ABCD2: variants seen among roughly 807,000 people sequenced by gnomAD.
The protein encoded by ABCD2 is ATP-binding cassette sub-family D member 2.
ABCD2 carries 36 observed loss-of-function variants against 70.9 expected under a neutral mutation model. That is an observed-to-expected ratio of 0.51 (90% CI 0.39 to 0.67). The LOEUF (loss-of-function observed/expected upper bound fraction) is 0.67, where lower values mean the gene tolerates loss of function less well. Among genes scored for constraint, ABCD2 ranks in the 30% least tolerant of loss-of-function variants. The probability of loss-of-function intolerance (pLI) is 0.00; values close to 1 mark genes in which losing one functional copy is unlikely to be tolerated. For synonymous variants in ABCD2, 304 were observed against 306.9 expected (o/e 0.99, Z 0.10); for missense variants, 729 against 890.2 (o/e 0.82, Z 2.30).
chr12:39,586,266 G>T lies in ABCD2; in HGVS notation c.1678C>A (p.Gln560Lys). ...TCCACTGAATCAGGGTAAATGACTT[G>T]ATCCCGAAGACTTCCAAGAGACATA... ...PYMSLGSLRD[Q>K]VIYPDSVDDM... The change falls in exon 7 of 10, where the codon CAA becomes AAA. Residue 560 changes from glutamine to lysine, a missense_variant. Around this residue, in one of 3 missense-constraint regions of ABCD2, gnomAD observed 289 missense variants for 328.8 expected, o/e 0.88. Transcript: ENST00000308666. 1 of 1,612,934 alleles carries T rather than the reference G, an allele frequency of 6.2e-7. No individual in the cohort carries two copies.
At chr12:39,590,052 A>G (rs528863554) in intron 6 of ABCD2, among the ~76,000 whole-genome samples, 11 of 152,338 alleles carry the variant, frequency 7.2e-5, no homozygotes, top group African/African-American at 2.4e-4. Flanking sequence ...ATTTGAAAGC[A>G]CAAGGAAACG....
chr12:39,619,408 C>T lies in ABCD2; in HGVS notation c.208G>A (p.Glu70Lys), dbSNP rs1592003614. 1.2e-6 allele frequency: 2 copies of T among 1,614,058 alleles called. No homozygotes were observed. Among genetic ancestry groups the T allele is most frequent in the Admixed American group, 1.7e-5 (1 of 60,010 alleles). The change falls in exon 1 of 10, where the codon GAG becomes AAG. Residue 70 changes from glutamate to lysine, a missense_variant. Physicochemically the swap from Glu to Lys is moderately conservative, Grantham distance 56. Transcript: ENST00000308666. ...GGCGAAGGTTTTTCACAAATGGTCT[C>T]GGTGCAATGCAGTATTTCTGTGTTC... ...AENTEILHCT[E>K]TICEKPSPGV...
rs1941949370 is a variant in ABCD2, at chr12:39,604,895, G to A, written c.1272C>T (p.Tyr424=). 4 of 1,610,680 alleles carry A rather than the reference G, an allele frequency of 2.5e-6. No homozygotes were observed. Among genetic ancestry groups the A allele is most frequent in the Non-Finnish European group, 2.5e-6 (3 of 1,178,722 alleles). The change falls in exon 4 of 10, where the codon TAC becomes TAT. Residue 424 remains tyrosine, a synonymous_variant. Coordinates refer to ENST00000308666, the MANE Select transcript of ABCD2 (RefSeq NM_005164.4). ...TELAGYTARV[Y]NMFWVFDEVK... ...CTTCATCAAAGACCCAAAACATATT[G>A]TACACTCGAGCAGTGTAGCCTGCTA...
intron 9 of ABCD2, among the ~76,000 whole-genome samples, chr12:39,571,319 T>C (rs1941445281): frequency 6.6e-6 from 1 of 152,126 alleles, no homozygotes; most frequent in African/African-American, 2.4e-5. Context: ...GAATCAACCC[T>C]AGTGTCCATC....
intron 2 of ABCD2, 152 bp from the exon 3 acceptor site, chr12:39,607,866 C>T: frequency 1.6e-6 from 1 of 636,448 alleles, no homozygotes; most frequent in Non-Finnish European, 2.7e-6. Flanking sequence ...TATAATGAAT[C>T]ATTGAAAATT....
At chr12:39,535,684 C>G in the ABCD2 span, among the ~76,000 whole-genome samples, 4 of 152,286 alleles carry the variant, frequency 2.6e-5, no homozygotes, top group Admixed American at 6.5e-5. Flanking sequence ...CAACTTGATA[C>G]TGTAATCTCT....
Position 39,586,267 on chromosome 12 carries a change from A to G in ABCD2, c.1677T>C (p.Asp559=). ...RPYMSLGSLR[D]QVIYPDSVDD... ...CCACTGAATCAGGGTAAATGACTTG[A>G]TCCCGAAGACTTCCAAGAGACATAT... Residue 559 remains aspartate (D), a synonymous_variant, in exon 7 of 10, where the codon GAT becomes GAC. Coordinates refer to ENST00000308666, the MANE Select transcript of ABCD2 (RefSeq NM_005164.4). 1.2e-6 allele frequency: 2 copies of G among 1,613,158 alleles called. No individual in the cohort carries two copies. Among genetic ancestry groups the G allele is most frequent in the Non-Finnish European group, 1.7e-6 (2 of 1,179,550 alleles).
At chr12:39,539,669 A>G in the ABCD2 span, 1 of 153,106 alleles carries the variant, frequency 6.5e-6, no homozygotes, top group African/African-American at 2.4e-5. Flanking sequence ...GAAGGAGCCT[A>G]TGATATTGAG....
the ABCD2 span, among the ~76,000 whole-genome samples, chr12:39,531,876 G>T: frequency 1.3e-5 from 2 of 152,248 alleles, no homozygotes; most frequent in Admixed American, 1.3e-4. Context: ...GGGGCGCCTG[G>T]ATTGAAAAAT....
chr12:39,573,658 T>C (rs1232583717), intron 9 of ABCD2, 58 bp downstream of exon 9: 2 of 1,564,158 alleles, frequency 1.3e-6, no homozygotes, highest in Non-Finnish European at 1.7e-6. Flanking sequence ...AGCAAAGTTA[T>C]TTTTTGAGAA....
chr12:39,607,935 G>A (rs996379295), intron 2 of ABCD2, among the ~76,000 whole-genome samples: 1 of 151,988 alleles, frequency 6.6e-6, no homozygotes, highest in South Asian at 2.1e-4. Flanking sequence ...TGAGAGGCCT[G>A]GGTGGGCGGA....
the ABCD2 span, among the ~76,000 whole-genome samples, chr12:39,541,317 G>A: frequency 3.3e-5 from 5 of 152,270 alleles, no homozygotes; most frequent in South Asian, 4.1e-4. Context: ...TTAAGAAAGC[G>A]TCCCTGTGGA....
the ABCD2 span, among the ~76,000 whole-genome samples, chr12:39,534,772 AAG>A: frequency 9.5e-6 from 1 of 105,392 alleles, no homozygotes; most frequent in Non-Finnish European, 2.0e-5. Flanking sequence ...GAAAGAAAGA[AAG>A]AAAGAAAGAA....
intron 9 of ABCD2, among the ~76,000 whole-genome samples, chr12:39,558,675 C>T (rs1296888876): frequency 6.6e-5 from 10 of 152,160 alleles, no homozygotes. Flanking sequence ...GCTTCCCCCT[C>T]ACCTTCTGCC....
At chr12:39,577,038 A>G (rs567307170) in intron 8 of ABCD2, among the ~76,000 whole-genome samples, 2 of 152,194 alleles carry the variant, frequency 1.3e-5, no homozygotes, top group South Asian at 4.1e-4. Context: ...AATAAAAATA[A>G]CAACGAATTT....
chr12:39,569,458 T>C (rs1488992560), intron 9 of ABCD2, among the ~76,000 whole-genome samples: 1 of 152,222 alleles, frequency 6.6e-6, no homozygotes, highest in Non-Finnish European at 1.5e-5. Context: ...GTGTGCCGTT[T>C]GCTAGGACTG....
intron 9 of ABCD2, among the ~76,000 whole-genome samples, chr12:39,555,163 A>G (rs1316983163): frequency 6.6e-6 from 1 of 152,144 alleles, no homozygotes. Flanking sequence ...CAACCCCAAA[A>G]GAAACCCAAT....
Position 39,618,932 on chromosome 12 carries a change from C to A in ABCD2, c.684G>T (p.Leu228=), listed in dbSNP as rs1212230016. ...SQSVAHLYSN[L]TKPILDVMLT... ...GCATTACATCTAAAATAGGTTTGGTCAGATTGGAATACAAGTGAGCCACAG... is the reference window on the plus strand; with the variant it reads ...GCATTACATCTAAAATAGGTTTGGTAAGATTGGAATACAAGTGAGCCACAG... Residue 228 remains leucine, a synonymous_variant, in exon 1 of 10, where the codon CTG becomes CTT. Coordinates refer to ENST00000308666, the MANE Select transcript of ABCD2 (RefSeq NM_005164.4). 6 of 1,614,150 alleles carry A rather than the reference C, an allele frequency of 3.7e-6. No homozygotes were observed. Among genetic ancestry groups the A allele is most frequent in the Non-Finnish European group, 8.5e-7 (1 of 1,180,020 alleles).
At chr12:39,559,583 A>G (rs1478630577) in intron 9 of ABCD2, among the ~76,000 whole-genome samples, 2 of 152,102 alleles carry the variant, frequency 1.3e-5, no homozygotes, top group African/African-American at 4.8e-5. Flanking sequence ...ATGATATATT[A>G]CAATCAAACT....
Sources: allele counts gnomAD v4.1 joint callset (sites outside exome capture counted in the v4.1 genomes callset), GRCh38; gene constraint gnomAD v4.1.1; regional missense constraint gnomAD v4.1.1; transcripts MANE v1.5; gene names NCBI Gene and HGNC (gene_info 2026-07-23, HGNC 2026-07-21).